OTUD7A: variants seen among roughly 807,000 people sequenced by gnomAD.
OTUD7A encodes the protein OTU deubiquitinase 7A, also known as OTU domain-containing protein 7A.
Under a neutral mutation model 65.7 loss-of-function variants are expected in OTUD7A, and 12 were observed. The ratio of observed to expected loss-of-function variants is 0.18; its 90% CI spans 0.12 to 0.30. The LOEUF is 0.30. Among genes scored for constraint, OTUD7A ranks in the 10% least tolerant of loss-of-function variants. OTUD7A has a pLI of 1.00. For synonymous variants in OTUD7A, 641 were observed against 586.3 expected, an observed-to-expected ratio of 1.09 and a Z score of -1.35; for missense variants, 1,148 against 1,304.8, an observed-to-expected ratio of 0.88 and a Z score of 1.85.
chr15:31,487,566 G>A lies in OTUD7A; in HGVS notation c.1172C>T (p.Ala391Val). 1 of 1,612,578 alleles carries A rather than the reference G, an allele frequency of 6.2e-7. No individual in the cohort carries two copies. ...CTCAGAATCCGTCAGGGGGATCACG[G>A]CTGGAACAGAAGAGACAGAGCCGTG... ...MEQRDQQREQ[A>V]VIPLTDSEHK... Residue 391 changes from alanine (A) to valine (V), a missense_variant and splice_region_variant, in exon 11 of 13, where the codon GCC becomes GTC. Around this residue, in one of 6 missense-constraint regions of OTUD7A, gnomAD observed 58 missense variants for 131.4 expected, o/e 0.44. Transcript: ENST00000307050. The surrounding 1 kb of genome is among the most constrained non-coding windows in gnomAD (Gnocchi z 6.0).
intron 1 of OTUD7A, among the ~76,000 whole-genome samples, chr15:31,824,626 T>G (rs780330466): frequency 6.6e-6 from 1 of 152,262 alleles, no homozygotes; most frequent in Non-Finnish European, 1.5e-5. Flanking sequence ...TCAACTGTTT[T>G]GCTAAGAAAG....
rs976593377 is a variant in OTUD7A, at chr15:31,585,727, CAT to C, written c.152-15532_152-15531del. On this transcript the variant is annotated intron_variant, in intron 3 of 12. Coordinates refer to ENST00000307050, the MANE Select transcript of OTUD7A (RefSeq NM_001382637.1). ...CTCCAGAAAGAGCCCCGGCTGTATT[CAT>C]ATGTGTATACATATATGTGTATACA... Among the ~76,000 whole-genome samples, 49 of 152,140 alleles carry C rather than the reference CAT, an allele frequency of 3.2e-4. 1 individual carries two copies. Among genetic ancestry groups the C allele is most frequent in the Non-Finnish European group, 1.0e-4 (7 of 68,028 alleles).
At chr15:31,771,357 G>A (rs1319418846) in intron 1 of OTUD7A, among the ~76,000 whole-genome samples, 1 of 152,098 alleles carries the variant, frequency 6.6e-6, no homozygotes, top group Non-Finnish European at 1.5e-5. Flanking sequence ...TAGAAATACC[G>A]ACTTTACTTT....
At chr15:31,512,323 T>A (rs74010682) in intron 8 of OTUD7A, among the ~76,000 whole-genome samples, 2,641 of 152,210 alleles carry the variant, frequency 0.017, 88 homozygotes, top group African/African-American at 0.061. Flanking sequence ...AGGAGCACGC[T>A]CCCTTATGAG....
At chr15:31,758,144 C>T (rs1894865406) in intron 1 of OTUD7A, among the ~76,000 whole-genome samples, 1 of 152,080 alleles carries the variant, frequency 6.6e-6, no homozygotes, top group Non-Finnish European at 1.5e-5. Context: ...AGTCAAAGTT[C>T]AAAAACTGCC....
chr15:31,722,481 C>T (rs1893767216), intron 1 of OTUD7A, among the ~76,000 whole-genome samples: 2 of 152,350 alleles, frequency 1.3e-5, no homozygotes, highest in Non-Finnish European at 2.9e-5. Flanking sequence ...GGTTTGCAAA[C>T]ACACTCCTGA....
intron 8 of OTUD7A, among the ~76,000 whole-genome samples, chr15:31,521,946 TAA>T (rs1397426688): frequency 3.9e-5 from 6 of 152,224 alleles, no homozygotes; most frequent in Non-Finnish European, 5.9e-5. Context: ...GTAGTTCTTT[TAA>T]AAGTTTAAAG....
chr15:31,806,789 T>C (rs1038370924), intron 1 of OTUD7A, among the ~76,000 whole-genome samples: 1 of 152,194 alleles, frequency 6.6e-6, no homozygotes, highest in Non-Finnish European at 1.5e-5. Context: ...CCAATATAAA[T>C]GGTAAGCAGG....
At chr15:31,669,124 TGGC>T (rs1892410329) in intron 1 of OTUD7A, among the ~76,000 whole-genome samples, 1 of 152,220 alleles carries the variant, frequency 6.6e-6, no homozygotes, top group Non-Finnish European at 1.5e-5. Context: ...TTGTGATGGT[TGGC>T]CACCTGCCAG....
chr15:31,544,504 A>C (rs1181640695), intron 5 of OTUD7A, among the ~76,000 whole-genome samples: 1 of 151,844 alleles, frequency 6.6e-6, no homozygotes, highest in Non-Finnish European at 1.5e-5. Context: ...ATATGAAAGT[A>C]AAATAATGCC....
At position 31,634,485 on chromosome 15, in the gene OTUD7A, G is replaced by A. The variant is rs1284405932; in HGVS notation, c.151+20611C>T. Among the ~76,000 whole-genome samples the A allele has an allele frequency of 3.9e-5, 6 of 152,282 alleles. 1 individual carries two copies. Among genetic ancestry groups the A allele is most frequent in the South Asian group, 2.1e-4 (1 of 4,816 alleles). On this transcript the variant is annotated intron_variant, in intron 3 of 12. Transcript: ENST00000307050. ...TGTCCCTGCCAGCAAGCCACAGCAC[G>A]TGCTCTGTGTTCTGCCGGGATGTTC...
At chr15:31,627,102 A>ATTG (rs994716764) in intron 3 of OTUD7A, among the ~76,000 whole-genome samples, 4 of 151,732 alleles carry the variant, frequency 2.6e-5, no homozygotes, top group African/African-American at 9.7e-5. Context: ...TATTATTATT[A>ATTG]TTATACTTTT....
intron 1 of OTUD7A, among the ~76,000 whole-genome samples, chr15:31,811,375 C>G (rs1441530299): frequency 1.3e-5 from 2 of 151,348 alleles, no homozygotes; most frequent in Non-Finnish European, 3.0e-5. Context: ...TGATATGTAT[C>G]CATACTTGCA....
At chr15:31,721,771 T>C (rs553885815) in intron 1 of OTUD7A, among the ~76,000 whole-genome samples, 2 of 152,138 alleles carry the variant, frequency 1.3e-5, no homozygotes, top group Non-Finnish European at 2.9e-5. Context: ...ACCATGAAAG[T>C]GTATCCCACA....
chr15:31,821,288 A>ACCACGC (rs1896676561), intron 1 of OTUD7A, among the ~76,000 whole-genome samples: 2 of 145,222 alleles, frequency 1.4e-5, no homozygotes, highest in Non-Finnish European at 3.0e-5. Context: ...GGCGTGTGCC[A>ACCACGC]CCACGCCCAG....
rs916233586 is a variant in OTUD7A, at chr15:31,861,184, T to G, written c.-100+9323A>C. Among the ~76,000 whole-genome samples, 68 of 152,180 alleles carry G rather than the reference T, an allele frequency of 4.5e-4. 1 individual carries two copies. Among genetic ancestry groups the G allele is most frequent in the African/African-American group, 1.6e-3 (68 of 41,526 alleles). On this transcript the variant is annotated intron_variant, in intron 1 of 12. Coordinates refer to ENST00000307050, the MANE Select transcript of OTUD7A (RefSeq NM_001382637.1). ...GGGGTATCAGAGTAGGCAGCTGCGG[T>G]TCTTCATTTCACATGTTCAGTTAAG...
chr15:31,597,542 TC>T, intron 3 of OTUD7A, among the ~76,000 whole-genome samples: 1 of 152,128 alleles, frequency 6.6e-6, no homozygotes, highest in Middle Eastern at 3.4e-3. Flanking sequence ...TTTCCTTTCT[TC>T]CCCTTGCCCT....
intron 1 of OTUD7A, among the ~76,000 whole-genome samples, chr15:31,736,698 CA>C (rs1894202399): frequency 6.6e-6 from 1 of 151,920 alleles, no homozygotes; most frequent in Non-Finnish European, 1.5e-5. Flanking sequence ...ACCCTCAACA[CA>C]AATAAGTTTT....
chr15:31,758,257 A>G (rs1380275187), intron 1 of OTUD7A, among the ~76,000 whole-genome samples: 5 of 152,178 alleles, frequency 3.3e-5, no homozygotes, highest in Non-Finnish European at 7.3e-5. Flanking sequence ...ACACACACAC[A>G]CAAAATCAAA....
Sources: allele counts gnomAD v4.1 joint callset (sites outside exome capture counted in the v4.1 genomes callset), GRCh38; gene constraint gnomAD v4.1.1; regional missense constraint gnomAD v4.1.1; non-coding constraint Gnocchi (gnomAD v3.1); transcripts MANE v1.5; gene names NCBI Gene and HGNC (gene_info 2026-07-23, HGNC 2026-07-21).